GP6: variants seen among roughly 807,000 people sequenced by gnomAD.
GP6 encodes glycoprotein VI platelet.
Under a neutral mutation model 37.3 loss-of-function variants are expected in GP6, and 45 were observed. That is an observed-to-expected ratio of 1.21 (90% CI 0.95 to 1.55). The LOEUF is 1.55. GP6 is among the 40% of genes most tolerant of loss of function. The pLI is 0.00. For missense variants in GP6, 813 were observed against 760.2 expected (o/e 1.07, Z -0.82); for synonymous variants, 340 against 316.4 (o/e 1.07, Z -0.79).
At position 55,015,804 on chromosome 19, in the gene GP6, A is replaced by AAC. The variant is rs974768162; in HGVS notation, c.725-73_725-72dup. ...GCCCCCTGTCACTGTGCCTACTCCGAACACACACACACATGGGGAGGCACA... is the reference window on the plus strand; with the variant it reads ...GCCCCCTGTCACTGTGCCTACTCCGAACACACACACACACATGGGGAGGCACA... On this transcript the variant is annotated intron_variant, in intron 6 of 7. Transcript: ENST00000310373. 67 of 782,558 alleles carry AAC rather than the reference A, an allele frequency of 8.6e-5. 2 individuals are homozygous for AAC. The Middle Eastern group carries it at 9.1e-4, about 11-fold the overall frequency. 48.5% of individuals were successfully genotyped at this position (782,558 alleles called of 1,614,324 possible).
chr19:55,031,087 A>G (rs1053472248), intron 3 of GP6, among the ~76,000 whole-genome samples: 7 of 152,086 alleles, frequency 4.6e-5, no homozygotes, highest in African/African-American at 1.2e-4. Flanking sequence ...AGCTCAAGCA[A>G]TCCTCCCGCC....
chr19:55,032,003 A>T (rs1568636008), intron 3 of GP6, 136 bp downstream of exon 3: 2 of 836,826 alleles, frequency 2.4e-6, no homozygotes, highest in Non-Finnish European at 3.9e-6. Flanking sequence ...ACATTGATCC[A>T]TAAATGTCGT....
At chr19:55,038,054 C>T in intron 1 of GP6, 149 bp downstream of exon 1, 1 of 728,116 alleles carries the variant, frequency 1.4e-6, no homozygotes, top group South Asian at 1.5e-5. Context: ...CTCGCTGGCC[C>T]CCCGTTTCCC....
At chr19:55,026,510 C>T (rs1394338758) in intron 4 of GP6, among the ~76,000 whole-genome samples, 1 of 151,966 alleles carries the variant, frequency 6.6e-6, no homozygotes. Flanking sequence ...GAATTTCCTT[C>T]TTTTTTAAGG....
intron 3 of GP6, among the ~76,000 whole-genome samples, chr19:55,031,496 G>A (rs10409029): frequency 0.22 from 33,333 of 152,040 alleles, 3,773 homozygotes; most frequent in East Asian, 0.25. Flanking sequence ...CCTGTTTTTC[G>A]TTTTGGCACA....
chr19:55,035,867 G>C (rs2074810638), intron 1 of GP6, among the ~76,000 whole-genome samples: 1 of 151,908 alleles, frequency 6.6e-6, no homozygotes, highest in African/African-American at 2.4e-5. Flanking sequence ...GAGGTCAAGA[G>C]ATCAAGACCA....
rs1482989897 is a variant in GP6, at chr19:55,032,296, C to T, written c.168G>A (p.Leu56=). 1 of 1,614,150 alleles carries T rather than the reference C, an allele frequency of 6.2e-7. No homozygotes were observed. The highest frequency in any genetic ancestry group is 8.5e-7 in the Non-Finnish European group (1 of 1,180,018). ...TGGAACTCAGCTTCTCCAGGCGGTA[C>T]AGGTCCACGCCCGGAGGTCCCTGGC... is the stretch of plus-strand genomic sequence containing the variant. Residue 56 remains leucine, a synonymous_variant, in exon 3 of 8, where the codon CTG becomes CTA. Transcript: ENST00000310373.
chr19:55,033,320 G>C (rs1373566570), intron 1 of GP6, among the ~76,000 whole-genome samples: 1 of 109,106 alleles, frequency 9.2e-6, no homozygotes, highest in Non-Finnish European at 1.8e-5. Context: ...GTTAGACACG[G>C]TGGACTCGTT....
intron 5 of GP6, among the ~76,000 whole-genome samples, chr19:55,022,702 C>G (rs1469349745): frequency 6.6e-6 from 1 of 151,980 alleles, no homozygotes; most frequent in East Asian, 1.9e-4. Context: ...ACAAGCATTC[C>G]TATACACCAA....
intron 4 of GP6, among the ~76,000 whole-genome samples, chr19:55,027,250 G>A (rs2074338806): frequency 4.5e-5 from 1 of 22,406 alleles, no homozygotes; most frequent in African/African-American, 1.5e-4. Context: ...CGCCCCTGCA[G>A]CCCAGGGCTT....
chr19:55,032,588 T>C, intron 1 of GP6, 50 bp from the exon 2 acceptor site: 1 of 1,597,260 alleles, frequency 6.3e-7, no homozygotes, highest in African/African-American at 1.3e-5. Flanking sequence ...TTTATGGACA[T>C]TCCTGCCTGC....
chr19:55,029,088 AAAAG>A (rs148719051), intron 3 of GP6, among the ~76,000 whole-genome samples: 9,378 of 147,020 alleles, frequency 0.064, 372 homozygotes, highest in East Asian at 0.16. Flanking sequence ...AACAAGAAGA[AAAAG>A]AAAGAAAGAG....
At chr19:55,036,520 G>A (rs533037458) in intron 1 of GP6, among the ~76,000 whole-genome samples, 105 of 151,094 alleles carry the variant, frequency 6.9e-4, no homozygotes, top group African/African-American at 1.9e-3. Context: ...GCAACATAGC[G>A]GACCCCCGTA....
At chr19:55,024,318 A>ACACATGTACGCATG (rs1568613039) in intron 5 of GP6, among the ~76,000 whole-genome samples, 2 of 124,046 alleles carry the variant, frequency 1.6e-5, no homozygotes, top group African/African-American at 7.4e-5. Context: ...ATATGCACGC[A>ACACATGTACGCATG]CACACACATA....
intron 5 of GP6, among the ~76,000 whole-genome samples, chr19:55,024,307 CAT>C (rs372922660): frequency 0.017 from 227 of 13,378 alleles, 11 homozygotes; most frequent in East Asian, 0.056. Context: ...CATGCACACA[CAT>C]ATGCACGCAC....
intron 4 of GP6, 49 bp downstream of exon 4, chr19:55,027,529 A>G: frequency 6.7e-7 from 1 of 1,485,088 alleles, no homozygotes; most frequent in Non-Finnish European, 9.4e-7. Flanking sequence ...AATGGCCATC[A>G]GGACCTATAA....
chr19:55,028,789 T>G (rs10401614), intron 3 of GP6, among the ~76,000 whole-genome samples: 46,269 of 151,996 alleles, frequency 0.3, 7,521 homozygotes, highest in Admixed American at 0.4. Context: ...TGATGTGAGG[T>G]TGTTGTCATA....
chr19:55,024,130 TAAGA>T (rs1339826164), intron 5 of GP6, among the ~76,000 whole-genome samples: 1 of 152,212 alleles, frequency 6.6e-6, no homozygotes, highest in Non-Finnish European at 1.5e-5. Flanking sequence ...TCTAATTACG[TAAGA>T]TGTAACCATT....
intron 6 of GP6, 97 bp downstream of exon 6, chr19:55,018,555 C>T (rs1011621818): frequency 1.8e-5 from 15 of 813,130 alleles, no homozygotes; most frequent in Admixed American, 3.4e-5. Context: ...ACGGACAGTT[C>T]GGTGAAGTGA....
Sources: allele counts gnomAD v4.1 joint callset (sites outside exome capture counted in the v4.1 genomes callset), GRCh38; gene constraint gnomAD v4.1.1; transcripts MANE v1.5; gene names NCBI Gene and HGNC (gene_info 2026-07-23, HGNC 2026-07-21).